Variants in VWC2L observed in about 807,000 individuals in gnomAD.
VWC2L encodes the protein von Willebrand factor C domain containing 2 like, also known as von Willebrand factor C domain-containing protein 2-like.
In VWC2L, 10 loss-of-function variants were observed where a neutral mutation model predicts 21.6. The observed-to-expected ratio is 0.46, with a 90% confidence interval of 0.29 to 0.78. The LOEUF (loss-of-function observed/expected upper bound fraction) is 0.78. VWC2L is among the 30% of genes least tolerant of loss of function. VWC2L has a pLI of 0.10. For missense variants in VWC2L, 209 were observed against 277.1 expected (o/e 0.75, Z 1.74); for synonymous variants, 96 against 94.3 (o/e 1.02, Z -0.10).
intron 3 of VWC2L, among the ~76,000 whole-genome samples, chr2:214,463,804 G>T (rs1387375357): frequency 6.6e-6 from 1 of 151,910 alleles, no homozygotes; most frequent in Non-Finnish European, 1.5e-5. Context: ...TTGCCCTTTT[G>T]AGGATACTTT....
At chr2:214,424,325 T>C (rs550527208) in intron 2 of VWC2L, among the ~76,000 whole-genome samples, 1 of 152,280 alleles carries the variant, frequency 6.6e-6, no homozygotes, top group South Asian at 2.1e-4. Context: ...CTCTTGGAAA[T>C]GAGCAGTACA....
intron 3 of VWC2L, among the ~76,000 whole-genome samples, chr2:214,488,319 T>A (rs1688699180): frequency 6.6e-6 from 1 of 152,192 alleles, no homozygotes. Flanking sequence ...GTCACAAGGC[T>A]GGGCATGGTG....
chr2:214,537,760 G>T (rs1689558813), intron 3 of VWC2L, among the ~76,000 whole-genome samples: 1 of 151,956 alleles, frequency 6.6e-6, no homozygotes, highest in African/African-American at 2.4e-5. Flanking sequence ...TGGAATAAAT[G>T]AACAAATATA....
chr2:214,463,715 G>T (rs986948050), intron 3 of VWC2L, among the ~76,000 whole-genome samples: 1 of 151,854 alleles, frequency 6.6e-6, no homozygotes, highest in Non-Finnish European at 1.5e-5. Flanking sequence ...TTTTATTTTA[G>T]TAGTTGCTTT....
rs560065880 is a variant in VWC2L, at chr2:214,508,137, C to T, written c.521-67535C>T. Among the ~76,000 whole-genome samples, 9 of 152,098 alleles carry T rather than the reference C, an allele frequency of 5.9e-5. No homozygotes were observed. The South Asian group carries it at 1.2e-3, about 21-fold the overall frequency. ...GACTATAAGCGCCCACCACCGTGCC[C>T]GGCTAATTTTTTATATTTTTAGTAG... is the stretch of plus-strand genomic sequence containing the variant. On this transcript the variant is annotated intron_variant, in intron 3 of 3. Transcript: ENST00000312504.
chr2:214,456,323 T>C (rs1490152591), intron 3 of VWC2L, among the ~76,000 whole-genome samples: 1 of 152,188 alleles, frequency 6.6e-6, no homozygotes. Flanking sequence ...ACCTGTTGGC[T>C]ATTGGCATGT....
intron 3 of VWC2L, among the ~76,000 whole-genome samples, chr2:214,518,649 TCG>T (rs1689182780): frequency 6.6e-6 from 1 of 152,198 alleles, no homozygotes; most frequent in South Asian, 2.1e-4. Flanking sequence ...TTTTCTACTT[TCG>T]AATACCTCAC....
At chr2:214,492,607 C>G (rs1049345576) in intron 3 of VWC2L, among the ~76,000 whole-genome samples, 2 of 152,146 alleles carry the variant, frequency 1.3e-5, no homozygotes, top group African/African-American at 4.8e-5. Flanking sequence ...AATGTGTTCA[C>G]TTATCGTGTG....
At chr2:214,509,444 C>G (rs913507578) in intron 3 of VWC2L, among the ~76,000 whole-genome samples, 3 of 141,796 alleles carry the variant, frequency 2.1e-5, no homozygotes, top group Admixed American at 7.6e-5. Flanking sequence ...TTCTACTTCT[C>G]TAAAGAAAAA....
At chr2:214,473,853 A>G (rs760408213) in intron 3 of VWC2L, 1 of 152,192 alleles carries the variant, frequency 6.6e-6, no homozygotes, top group Non-Finnish European at 1.5e-5. Context: ...TCAAATAAAA[A>G]ATATTCAGAA....
chr2:214,484,333 A>T (rs923926430), intron 3 of VWC2L, among the ~76,000 whole-genome samples: 1 of 152,178 alleles, frequency 6.6e-6, no homozygotes, highest in African/African-American at 2.4e-5. Flanking sequence ...TTCTTTCCCA[A>T]GATTTGCCAC....
chr2:214,575,614 G>A, intron 3 of VWC2L, 58 bp from the exon 4 acceptor site: 1 of 1,588,656 alleles, frequency 6.3e-7, no homozygotes, highest in Non-Finnish European at 8.6e-7. Flanking sequence ...TTTGGATGGT[G>A]GGGAGAAAGG....
chr2:214,519,348 G>A (rs1559316212), intron 3 of VWC2L, among the ~76,000 whole-genome samples: 1 of 152,116 alleles, frequency 6.6e-6, no homozygotes, highest in Non-Finnish European at 1.5e-5. Context: ...CACAGTCTCT[G>A]CCCTTGAGAA....
intron 3 of VWC2L, among the ~76,000 whole-genome samples, chr2:214,488,780 G>A (rs924265832): frequency 6.6e-6 from 1 of 152,182 alleles, no homozygotes; most frequent in Non-Finnish European, 1.5e-5. Context: ...CATGGCAGAA[G>A]GCAAAGAGGA....
chr2:214,461,970 G>A (rs1390388404), intron 3 of VWC2L, among the ~76,000 whole-genome samples: 1 of 152,194 alleles, frequency 6.6e-6, no homozygotes, highest in Admixed American at 6.5e-5. Context: ...CACTGTGTGG[G>A]ATGGAGTGCT....
chr2:214,464,429 A>G lies in VWC2L; in HGVS notation c.520+27671A>G, dbSNP rs534212123. On this transcript the variant is annotated intron_variant, in intron 3 of 3. Coordinates refer to ENST00000312504, the MANE Select transcript of VWC2L (RefSeq NM_001080500.4). ...ACTGCCTTGGTGGTCTTGGGTAACA[A>G]CTGGGAGAATTTCCTGGATTACCAG... 2.6e-5 allele frequency among the ~76,000 whole-genome samples: 4 copies of G among 152,016 alleles called. No homozygotes were observed. In the South Asian group the frequency reaches 8.3e-4, roughly 32 times the overall value.
At chr2:214,553,711 A>G (rs1689831666) in intron 3 of VWC2L, among the ~76,000 whole-genome samples, 1 of 152,180 alleles carries the variant, frequency 6.6e-6, no homozygotes, top group South Asian at 2.1e-4. Flanking sequence ...CCTGGATTCC[A>G]AAAGGTAGGA....
rs1402271597 is a variant in VWC2L at position 214,420,402 on chromosome 2, G to C, written c.390+5819G>C. Among the ~76,000 whole-genome samples the C allele has an allele frequency of 2.0e-5, 3 of 152,216 alleles. No individual in the cohort carries two copies. The South Asian group carries it at 6.2e-4, about 32-fold the overall frequency. On this transcript the variant is annotated intron_variant, in intron 2 of 3. Coordinates refer to ENST00000312504, the MANE Select transcript of VWC2L (RefSeq NM_001080500.4). ...TATGAAAGAACAGGGAAAACCAGAG[G>C]CTGTAGAGATATCTCAGTTGAGGGG... is the stretch of plus-strand genomic sequence containing the variant.
intron 3 of VWC2L, among the ~76,000 whole-genome samples, chr2:214,514,333 A>T (rs7604455): frequency 0.01 from 1,558 of 152,096 alleles, 39 homozygotes; most frequent in African/African-American, 0.036. Context: ...TTTAGGTAAC[A>T]CTTTTTTTCG....
Sources: allele counts gnomAD v4.1 joint callset (sites outside exome capture counted in the v4.1 genomes callset), GRCh38; gene constraint gnomAD v4.1.1; transcripts MANE v1.5; gene names NCBI Gene and HGNC (gene_info 2026-07-23, HGNC 2026-07-21).